Variants in RGS21 observed in about 807,000 individuals in gnomAD.
RGS21 encodes regulator of G-protein signalling 21.
Under a neutral mutation model 18.7 loss-of-function variants are expected in RGS21, and 19 were observed. The observed-to-expected ratio is 1.01, with a 90% CI of 0.71 to 1.49. RGS21 has a LOEUF of 1.49. Among genes scored for constraint, RGS21 ranks in the 40% most tolerant of loss-of-function variants. The pLI, the probability that RGS21 is intolerant of heterozygous loss-of-function variation, is 0.00. For missense variants in RGS21, 194 were observed against 176.8 expected (o/e 1.10, Z -0.55); for synonymous variants, 56 against 57.8 (o/e 0.97, Z 0.14).
At chr1:192,322,268 A>T (rs184079547) in intron 1 of RGS21, among the ~76,000 whole-genome samples, 566 of 152,024 alleles carry the variant, frequency 3.7e-3, no homozygotes, top group Non-Finnish European at 5.2e-3. Flanking sequence ...CAGAAAAAAA[A>T]ATCCTATCAT....
chr1:192,345,499 T>A (rs552622316), intron 2 of RGS21, among the ~76,000 whole-genome samples: 1 of 152,252 alleles, frequency 6.6e-6, no homozygotes, highest in African/African-American at 2.4e-5. Flanking sequence ...TTTGTTAATA[T>A]GTTCAATATT....
At chr1:192,358,293 T>C (rs1446267146) in intron 4 of RGS21, among the ~76,000 whole-genome samples, 1 of 152,048 alleles carries the variant, frequency 6.6e-6, no homozygotes, top group African/African-American at 2.4e-5. Context: ...CTTGTATTTC[T>C]GCCTCCAAAG....
intron 2 of RGS21, among the ~76,000 whole-genome samples, chr1:192,344,259 A>G (rs1378080456): frequency 6.6e-6 from 1 of 152,094 alleles, no homozygotes; most frequent in Non-Finnish European, 1.5e-5. Flanking sequence ...TTAGGTAGTT[A>G]TTATAAATGT....
At position 192,355,472 on chromosome 1, in the gene RGS21, T is replaced by C. The variant is rs149674483; in HGVS notation, c.255+3259T>C. On this transcript the variant is annotated intron_variant, in intron 4 of 4. Transcript: ENST00000417209. ...AAAAATGGGTTTGCAAATTGCCAGG[T>C]CCAAATAAAAACAGTTGCTCATTGA... Among the ~76,000 whole-genome samples, 13 of 151,438 alleles carry C rather than the reference T, an allele frequency of 8.6e-5. No individual in the cohort carries two copies. The East Asian group carries it at 2.5e-3, about 29-fold the overall frequency.
At chr1:192,359,659 A>G (rs547272911) in intron 4 of RGS21, among the ~76,000 whole-genome samples, 27 of 143,462 alleles carry the variant, frequency 1.9e-4, no homozygotes, top group East Asian at 2.0e-4. Context: ...GTGTGTGTAT[A>G]TATATATATA....
intron 2 of RGS21, 112 bp downstream of exon 2, chr1:192,343,159 T>A: frequency 9.7e-7 from 1 of 1,026,522 alleles, no homozygotes; most frequent in African/African-American, 1.6e-5. Context: ...ATACGCTAAT[T>A]GTTGTCTTCC....
intron 1 of RGS21, among the ~76,000 whole-genome samples, chr1:192,329,129 T>C (rs1325183269): frequency 6.6e-6 from 1 of 152,086 alleles, no homozygotes; most frequent in Non-Finnish European, 1.5e-5. Flanking sequence ...AAATTTAATA[T>C]TAACAGATAT....
At chr1:192,348,467 T>C (rs1001995190) in intron 3 of RGS21, among the ~76,000 whole-genome samples, 3 of 152,238 alleles carry the variant, frequency 2.0e-5, no homozygotes, top group Non-Finnish European at 4.4e-5. Flanking sequence ...AAGTACTTTA[T>C]ATCAACTGTG....
intron 1 of RGS21, among the ~76,000 whole-genome samples, chr1:192,320,156 G>A (rs1362728323): frequency 1.3e-5 from 2 of 152,036 alleles, no homozygotes; most frequent in South Asian, 2.1e-4. Flanking sequence ...GTGGGAGGAG[G>A]AAGAGGGTCA....
rs190579491 is a variant in RGS21, at chr1:192,324,118, C to A, written c.-61+7013C>A. ...TCATTATTAACTGTTTCCACAGACA[C>A]ATGTTTATTTCTCTACAGTCATAAC... On this transcript the variant is annotated intron_variant, in intron 1 of 4. Coordinates refer to ENST00000417209, the MANE Select transcript of RGS21 (RefSeq NM_001039152.3). 1.3e-3 allele frequency among the ~76,000 whole-genome samples: 205 copies of A among 152,138 alleles called. 1 individual carries two copies. The highest frequency in any genetic ancestry group is 1.4e-3 in the Non-Finnish European group (92 of 67,960).
chr1:192,351,757 T>C (rs1659044655), intron 3 of RGS21, among the ~76,000 whole-genome samples: 1 of 147,668 alleles, frequency 6.8e-6, no homozygotes, highest in South Asian at 2.1e-4. Flanking sequence ...ATATAACACA[T>C]ATAATATATA....
At chr1:192,343,448 C>A (rs1220338377) in intron 2 of RGS21, among the ~76,000 whole-genome samples, 6 of 152,086 alleles carry the variant, frequency 3.9e-5, no homozygotes, top group African/African-American at 1.4e-4. Context: ...CACATGGACT[C>A]CTTGCTTGAG....
intron 1 of RGS21, among the ~76,000 whole-genome samples, chr1:192,338,313 C>G (rs1443386286): frequency 6.6e-6 from 1 of 152,046 alleles, no homozygotes; most frequent in South Asian, 2.1e-4. Context: ...TTTCTCTTCC[C>G]ATTTGTTTAT....
intron 1 of RGS21, among the ~76,000 whole-genome samples, chr1:192,325,188 T>C (rs1353902542): frequency 4.6e-5 from 7 of 152,106 alleles, no homozygotes; most frequent in Admixed American, 4.6e-4. Flanking sequence ...ATGGACACAA[T>C]GTTTAGCTCC....
chr1:192,334,749 G>A (rs1658740064), intron 1 of RGS21, among the ~76,000 whole-genome samples: 1 of 152,074 alleles, frequency 6.6e-6, no homozygotes. Context: ...CAATCCCACA[G>A]AATAAACAGC....
intron 4 of RGS21, among the ~76,000 whole-genome samples, chr1:192,363,159 A>G (rs1659210219): frequency 1.3e-5 from 2 of 152,176 alleles, no homozygotes; most frequent in Non-Finnish European, 2.9e-5. Flanking sequence ...CACATAAAAG[A>G]GAAGAAATGT....
At chr1:192,357,887 T>C (rs1659132217) in intron 4 of RGS21, among the ~76,000 whole-genome samples, 2 of 152,036 alleles carry the variant, frequency 1.3e-5, no homozygotes, top group Non-Finnish European at 1.5e-5. Context: ...GTATTTCTTC[T>C]AATAATCTGC....
At chr1:192,328,874 T>C (rs1658607126) in intron 1 of RGS21, among the ~76,000 whole-genome samples, 1 of 152,126 alleles carries the variant, frequency 6.6e-6, no homozygotes, top group African/African-American at 2.4e-5. Flanking sequence ...TGTACAAGAA[T>C]CATATTTATT....
At chr1:192,336,435 C>A (rs539419591) in intron 1 of RGS21, among the ~76,000 whole-genome samples, 2 of 152,056 alleles carry the variant, frequency 1.3e-5, no homozygotes, top group South Asian at 4.2e-4. Context: ...GCATGGGCAA[C>A]AAGACTGAAA....
Sources: allele counts gnomAD v4.1 joint callset (sites outside exome capture counted in the v4.1 genomes callset), GRCh38; gene constraint gnomAD v4.1.1; transcripts MANE v1.5; gene names NCBI Gene and HGNC (gene_info 2026-07-23, HGNC 2026-07-21).